PLCXD2: variants seen among roughly 807,000 people sequenced by gnomAD.
The protein encoded by PLCXD2 is phosphatidylinositol specific phospholipase C X domain containing 2, also known as PI-PLC X domain-containing protein 2.
Under a neutral mutation model 28.6 loss-of-function variants are expected in PLCXD2, and 21 were observed. That is an observed-to-expected ratio of 0.73 (90% CI 0.52 to 1.06). The LOEUF (loss-of-function observed/expected upper bound fraction) is 1.06. Among genes scored for constraint, PLCXD2 ranks in the 50% least tolerant of loss-of-function variants. The pLI is 0.00. For synonymous variants in PLCXD2, 140 were observed against 150.1 expected, an observed-to-expected ratio of 0.93 and a Z score of 0.49; for missense variants, 369 against 376.7, an observed-to-expected ratio of 0.98 and a Z score of 0.17.
At chr3:111,712,507 G>C (rs16858451) in intron 2 of PLCXD2, among the ~76,000 whole-genome samples, 352 of 152,246 alleles carry the variant, frequency 2.3e-3, no homozygotes, top group African/African-American at 8.0e-3. Flanking sequence ...TTAACACACC[G>C]GTTTACCACA....
chr3:111,720,204 C>A (rs1470410084), intron 3 of PLCXD2, among the ~76,000 whole-genome samples: 4 of 151,994 alleles, frequency 2.6e-5, no homozygotes, highest in Admixed American at 1.3e-4. Context: ...CTTAGTTTTT[C>A]TTTTTCTTTT....
At chr3:111,682,784 G>A (rs374158514) in intron 1 of PLCXD2, among the ~76,000 whole-genome samples, 4 of 152,276 alleles carry the variant, frequency 2.6e-5, no homozygotes, top group African/African-American at 9.6e-5. Context: ...CCCCAGGTTC[G>A]AGTTTAGGTG....
chr3:111,675,415 G>C lies in PLCXD2; in HGVS notation c.163+7G>C, dbSNP rs201511192. On this transcript the variant is annotated splice_region_variant and intron_variant, in intron 1 of 4. Coordinates refer to ENST00000477665, the MANE Select transcript of PLCXD2 (RefSeq NM_001185106.1). Reference sequence around the variant, plus strand: ...TCCAATCTGGCAATCCCAGGTATTCGTCTATTCCTACTTGTTCCCACTGTG... The same window carrying C: ...TCCAATCTGGCAATCCCAGGTATTCCTCTATTCCTACTTGTTCCCACTGTG... 5 of 1,613,758 alleles carry C rather than the reference G, an allele frequency of 3.1e-6. No individual in the cohort carries two copies. In the African/African-American group the frequency reaches 4.0e-5, roughly 13 times the overall value.
At position 111,692,397 on chromosome 3, in the gene PLCXD2, A is replaced by AG. The variant is rs1464621490; in HGVS notation, c.164-15524dup. On this transcript the variant is annotated intron_variant, in intron 1 of 4. Transcript: ENST00000477665. ...TCCATGAGTTCCAGGGGCAGAGGAA[A>AG]GGGGGAGAGAATTTTTAAAGAGATA... 2.6e-5 allele frequency: 4 copies of AG among 152,462 alleles called. No individual in the cohort carries two copies. The East Asian group carries it at 7.7e-4, about 29-fold the overall frequency. 9.4% of individuals were successfully genotyped at this position (152,462 alleles called of 1,614,324 possible).
Position 111,726,018 on chromosome 3 carries a change from A to G in PLCXD2, c.867-6601A>G, listed in dbSNP as rs1026917984. 8.6e-5 allele frequency: 34 copies of G among 393,702 alleles called. No individual in the cohort carries two copies. In the East Asian group the frequency reaches 1.1e-3, roughly 13 times the overall value. 24.4% of individuals were successfully genotyped at this position (393,702 alleles called of 1,614,324 possible). A position where few individuals can be genotyped will look rare whatever the true frequency, so the allele number is the denominator to read the frequency against. On this transcript the variant is annotated intron_variant, in intron 3 of 4. Transcript: ENST00000477665. ...ATTGCTTCTTACTCTTTTCAAATGC[A>G]TTATTCTACCCCTCAACCTACATCC...
At chr3:111,709,733 A>G (rs73852870) in intron 2 of PLCXD2, among the ~76,000 whole-genome samples, 2,731 of 152,292 alleles carry the variant, frequency 0.018, 77 homozygotes, top group African/African-American at 0.062. Flanking sequence ...AGGAAAAGGA[A>G]CATGCAGTAT....
Position 111,720,713 on chromosome 3 carries a change from C to T in PLCXD2, c.866+6585C>T. The T allele has an allele frequency of 2.4e-6, 1 of 416,800 alleles. No individual in the cohort carries two copies. The highest frequency in any genetic ancestry group is 4.4e-6 in the Non-Finnish European group (1 of 226,342). 25.8% of individuals were successfully genotyped at this position (416,800 alleles called of 1,614,324 possible). On this transcript the variant is annotated intron_variant, in intron 3 of 4. Coordinates refer to ENST00000477665, the MANE Select transcript of PLCXD2 (RefSeq NM_001185106.1). Reference sequence around the variant, plus strand: ...TCCACTCTCTTCCTCCAACACTTTCCTCTGTATAGGAATCTTCCTGCCATC... The same window carrying T: ...TCCACTCTCTTCCTCCAACACTTTCTTCTGTATAGGAATCTTCCTGCCATC...
At chr3:111,703,736 A>C (rs1431332945) in intron 1 of PLCXD2, among the ~76,000 whole-genome samples, 1 of 152,242 alleles carries the variant, frequency 6.6e-6, no homozygotes, top group Non-Finnish European at 1.5e-5. Flanking sequence ...GTTGCTATAC[A>C]GCCAAAGGAA....
At chr3:111,688,294 G>A (rs577248367) in intron 1 of PLCXD2, among the ~76,000 whole-genome samples, 1 of 152,344 alleles carries the variant, frequency 6.6e-6, no homozygotes, top group East Asian at 1.9e-4. Context: ...AGAACTCATT[G>A]AAAGTTGTTA....
intron 1 of PLCXD2, among the ~76,000 whole-genome samples, chr3:111,702,477 G>C (rs1941057389): frequency 6.6e-6 from 1 of 152,194 alleles, no homozygotes; most frequent in African/African-American, 2.4e-5. Flanking sequence ...GTAAGGAAAA[G>C]TACTTTGTTT....
At chr3:111,726,325 TA>T (rs1559800836) in intron 3 of PLCXD2, 1 of 153,404 alleles carries the variant, frequency 6.5e-6, no homozygotes, top group African/African-American at 2.4e-5. Flanking sequence ...TATACCCCAA[TA>T]TAATAATAAG....
At chr3:111,718,820 A>G (rs1376655971) in intron 3 of PLCXD2, among the ~76,000 whole-genome samples, 3 of 152,182 alleles carry the variant, frequency 2.0e-5, no homozygotes, top group Non-Finnish European at 4.4e-5. Flanking sequence ...AACTGTGAGT[A>G]CACTTTATTG....
chr3:111,686,517 T>G (rs1940797590), intron 1 of PLCXD2, among the ~76,000 whole-genome samples: 1 of 152,214 alleles, frequency 6.6e-6, no homozygotes, highest in Non-Finnish European at 1.5e-5. Flanking sequence ...ACAAGTATGA[T>G]ATGTTGAGAA....
Position 111,675,028 on chromosome 3 carries a change from A to G in PLCXD2, c.-218A>G. The G allele has an allele frequency of 1.8e-6, 1 of 555,786 alleles. No individual in the cohort carries two copies. Among genetic ancestry groups the G allele is most frequent in the South Asian group, 2.5e-5 (1 of 39,316 alleles). The allele number at this position is 555,786 out of a possible 1,614,324, so 34.4% of individuals were successfully genotyped here. ...AAGTTTAACGGAGCTGGGACTGAGC[A>G]GATTAAGGGAGTGGAGCGGAGGCTG... is the stretch of plus-strand genomic sequence containing the variant. On this transcript the variant is annotated 5_prime_UTR_variant, in exon 1 of 5. Transcript: ENST00000477665.
Position 111,675,063 on chromosome 3 carries a change from G to C in PLCXD2, c.-183G>C. The C allele has an allele frequency of 1.6e-6, 1 of 631,514 alleles. No homozygotes were observed. The highest frequency in any genetic ancestry group is 2.8e-5 in the East Asian group (1 of 35,946). The allele number at this position is 631,514 out of a possible 1,614,324, so 39.1% of individuals were successfully genotyped here. A position where few individuals can be genotyped will look rare whatever the true frequency, so the allele number is the denominator to read the frequency against. On this transcript the variant is annotated 5_prime_UTR_variant, in exon 1 of 5. Transcript: ENST00000477665. ...AGTGGAGCGGAGGCTGGGCCGGAGA[G>C]AGTGGGGACTGTGAGTGCTAGTGGG...
intron 1 of PLCXD2, among the ~76,000 whole-genome samples, chr3:111,693,439 C>T (rs1241347844): frequency 6.6e-6 from 1 of 152,192 alleles, no homozygotes; most frequent in Non-Finnish European, 1.5e-5. Flanking sequence ...AAGCTAGACT[C>T]TTTGTGGTTG....
At chr3:111,689,427 G>A (rs1940843104) in intron 1 of PLCXD2, among the ~76,000 whole-genome samples, 1 of 152,232 alleles carries the variant, frequency 6.6e-6, no homozygotes, top group Non-Finnish European at 1.5e-5. Context: ...TAGGGAGCCA[G>A]TGACAATTTT....
At chr3:111,700,213 A>T (rs4682055) in intron 1 of PLCXD2, among the ~76,000 whole-genome samples, 1 of 152,308 alleles carries the variant, frequency 6.6e-6, no homozygotes. Flanking sequence ...GAGGATCACC[A>T]CTTTACATTA....
At chr3:111,725,951 C>G (rs1320331490) in intron 3 of PLCXD2, 1 of 398,242 alleles carries the variant, frequency 2.5e-6, no homozygotes, top group African/African-American at 2.1e-5. Context: ...GTGATAGGCA[C>G]GTGTGTTCAG....
Sources: gnomAD v4.1 joint callset for allele counts (sites outside exome capture counted in the v4.1 genomes callset) on GRCh38, gnomAD v4.1.1 for gene constraint, MANE v1.5 for transcripts, NCBI Gene and HGNC (gene_info 2026-07-23, HGNC 2026-07-21) for gene names.